LBR: variants seen among roughly 807,000 people sequenced by gnomAD.
LBR encodes lamin B receptor, also known as delta(14)-sterol reductase LBR.
In LBR, 28 loss-of-function variants were observed where a neutral mutation model predicts 74.3. That is an observed-to-expected ratio of 0.38 (90% CI 0.28 to 0.52). The LOEUF (loss-of-function observed/expected upper bound fraction) is 0.52, where lower values mean the gene tolerates loss of function less well. Among genes scored for constraint, LBR ranks in the 20% least tolerant of loss-of-function variants. LBR has a pLI of 0.89. For synonymous variants in LBR, 228 were observed against 269.3 expected (o/e 0.85, Z 1.50); for missense variants, 717 against 760.3 (o/e 0.94, Z 0.67).
chr1:225,412,743 A>C (rs1247936858), intron 7 of LBR, 98 bp from the exon 8 acceptor site: 1 of 1,119,606 alleles, frequency 8.9e-7, no homozygotes, highest in Non-Finnish European at 1.3e-6. Flanking sequence ...TTCATTTTTA[A>C]AGTCTTAATT....
rs542604970 is a variant in LBR at position 225,413,120 on chromosome 1, G to A, written c.893-475C>T. Among the ~76,000 whole-genome samples, 7 of 152,328 alleles carry A rather than the reference G, an allele frequency of 4.6e-5. No homozygotes were observed. In the South Asian group the frequency reaches 1.5e-3, roughly 32 times the overall value. ...ATTATAAATATTTATACTTAACCAA[G>A]TTGCCAATAATGGTTTCAAAAGATT... On this transcript the variant is annotated intron_variant, in intron 7 of 13. Transcript: ENST00000272163.
chr1:225,413,239 G>A (rs1295189099), intron 7 of LBR, among the ~76,000 whole-genome samples: 1 of 152,248 alleles, frequency 6.6e-6, no homozygotes, highest in Non-Finnish European at 1.5e-5. Context: ...GCAGGGGACT[G>A]CGAGTACCTG....
chr1:225,409,491 G>GAAA (rs906676974), intron 10 of LBR, among the ~76,000 whole-genome samples: 1 of 152,144 alleles, frequency 6.6e-6, no homozygotes, highest in African/African-American at 2.4e-5. Context: ...GGCTCAAAGA[G>GAAA]AAAAGGTCTT....
intron 6 of LBR, among the ~76,000 whole-genome samples, chr1:225,415,822 A>C (rs1005233976): frequency 6.6e-6 from 1 of 152,124 alleles, no homozygotes; most frequent in African/African-American, 2.4e-5. Flanking sequence ...ACGCATACTC[A>C]TATGCTTACT....
At chr1:225,422,584 A>T (rs544265609) in intron 2 of LBR, among the ~76,000 whole-genome samples, 289 of 152,274 alleles carry the variant, frequency 1.9e-3, no homozygotes, top group African/African-American at 6.5e-3. Flanking sequence ...GGTAATAATT[A>T]ACATGGATTA....
chr1:225,403,347 A>G lies in LBR; in HGVS notation c.1804T>C (p.Tyr602His), dbSNP rs762700017. Residue 602 changes from tyrosine (Y) to histidine (H), a missense_variant, in exon 14 of 14, where the codon TAC becomes CAC. Tyr to His is a moderately conservative substitution (Grantham distance 83, BLOSUM62 2). Transcript: ENST00000272163. ...ATACGGTAGGGCACACGCTGACAGT[A>G]CTTTTCCCAAGCCACGCCGTATTTC... Reference protein sequence around the residue: ...KKKYGVAWEKYCQRVPYRIFP... With the variant: ...KKKYGVAWEKHCQRVPYRIFP... 6.2e-6 allele frequency: 10 copies of G among 1,613,834 alleles called. No individual in the cohort carries two copies. The African/African-American group carries it at 1.2e-4, about 19-fold the overall frequency.
intron 1 of LBR, among the ~76,000 whole-genome samples, chr1:225,425,155 G>A (rs2096136594): frequency 6.6e-6 from 1 of 151,750 alleles, no homozygotes; most frequent in Non-Finnish European, 1.5e-5. Context: ...CAACATTTAG[G>A]AACCTTTGAA....
Position 225,412,598 on chromosome 1 carries a change from A to G in LBR, c.940T>C (p.Phe314Leu), listed in dbSNP as rs532717763. 1 of 1,613,738 alleles carries G rather than the reference A, an allele frequency of 6.2e-7. No individual in the cohort carries two copies. Among genetic ancestry groups the G allele is most frequent in the Admixed American group, 1.7e-5 (1 of 60,004 alleles). ...LTSAVIGTSL[F>L]QGVEFHYVYS... is the part of the protein sequence containing the mutation. The stretch of plus-strand genomic sequence containing the variant: ...ACGTAATGAAACTCTACGCCCTGGA[A>G]GAGAGATGTTCCGATGACTGCAGAT... Residue 314 changes from phenylalanine (F) to leucine (L), a missense_variant, in exon 8 of 14, where the codon TTC becomes CTC. Physicochemically the swap from Phe to Leu is conservative, Grantham distance 22 (BLOSUM62 0). Coordinates refer to ENST00000272163, the MANE Select transcript of LBR (RefSeq NM_002296.4).
Position 225,411,409 on chromosome 1 carries a change from A to G in LBR, c.1116T>C (p.Arg372=). 1.2e-6 allele frequency: 2 copies of G among 1,614,024 alleles called. No homozygotes were observed. The highest frequency in any genetic ancestry group is 1.7e-6 in the Non-Finnish European group (2 of 1,179,834). ...GNAVYDFFIG[R]ELNPRIGTFD... ...AAGTACCAATTCGAGGGTTTAATTC[A>G]CGGCCAATGAAGAAATCATAGACAG... Residue 372 remains arginine (R), a synonymous_variant, in exon 9 of 14, where the codon CGT becomes CGC. Coordinates refer to ENST00000272163, the MANE Select transcript of LBR (RefSeq NM_002296.4).
chr1:225,423,886 T>A (rs1209926811), intron 2 of LBR, 25 bp downstream of exon 2: 2 of 1,603,750 alleles, frequency 1.2e-6, no homozygotes, highest in Non-Finnish European at 8.5e-7. Flanking sequence ...GTAAACACAC[T>A]CTGATAAACC....
chr1:225,428,295 GC>G (rs1484209787), upstream of LBR, among the ~76,000 whole-genome samples: 4 of 152,094 alleles, frequency 2.6e-5, no homozygotes, highest in Non-Finnish European at 5.9e-5. Context: ...TGGCGGGGCG[GC>G]CCGGAGCGCG....
At chr1:225,419,505 G>C in intron 4 of LBR, 53 bp from the exon 5 acceptor site, 1 of 1,257,590 alleles carries the variant, frequency 8.0e-7, no homozygotes. Context: ...TACCATTAAT[G>C]CTACTGCATT....
chr1:225,423,844 G>C (rs1452252685), intron 2 of LBR, 67 bp downstream of exon 2: 3 of 1,466,724 alleles, frequency 2.0e-6, no homozygotes, highest in East Asian at 2.3e-5. Context: ...CCTGAGCTTA[G>C]AAACCATACT....
rs758059427 is a variant in LBR, at chr1:225,411,318, GA to G, written c.1188+18del. 16 of 1,557,330 alleles carry G rather than the reference GA, an allele frequency of 1.0e-5. No homozygotes were observed. In the East Asian group the frequency reaches 1.3e-4, roughly 13 times the overall value. On this transcript the variant is annotated intron_variant, in intron 9 of 13. Transcript: ENST00000272163. Reference sequence around the variant, plus strand: ...AGACCTATTGAATTGAAATTTAGAAGAAAAAAAACCAGACATACCCATCCAA... The same window carrying G: ...AGACCTATTGAATTGAAATTTAGAAGAAAAAAACCAGACATACCCATCCAA...
chr1:225,428,159 C>A (rs1278620927), upstream of LBR: 2 of 152,114 alleles, frequency 1.3e-5, no homozygotes, highest in African/African-American at 4.8e-5. Flanking sequence ...CCGCCCGGGG[C>A]TCCCATTGGC....
intron 7 of LBR, 117 bp downstream of exon 7, chr1:225,415,161 T>C: frequency 1.4e-6 from 1 of 709,800 alleles, no homozygotes; most frequent in Non-Finnish European, 2.4e-6. Context: ...CTCTTCCAAC[T>C]ACTAAGAAAT....
chr1:225,408,005 A>G (rs1427979165), intron 10 of LBR, among the ~76,000 whole-genome samples: 2 of 152,226 alleles, frequency 1.3e-5, no homozygotes, highest in Non-Finnish European at 2.9e-5. Flanking sequence ...TAGCATATCC[A>G]TCATCTCAAA....
intron 13 of LBR, 21 bp from the exon 14 acceptor site, chr1:225,403,484 C>G: frequency 6.4e-7 from 1 of 1,557,184 alleles, no homozygotes; most frequent in Non-Finnish European, 8.9e-7. Flanking sequence ...TAATAGTACA[C>G]AGTATTAGAT....
At chr1:225,417,321 AATTATTTATTACT>A (rs2096119232) in intron 6 of LBR, among the ~76,000 whole-genome samples, 1 of 152,180 alleles carries the variant, frequency 6.6e-6, no homozygotes, top group Non-Finnish European at 1.5e-5. Flanking sequence ...TCTTTAAATA[AATTATTTATTACT>A]TAGGGAATCT....
Sources: allele counts gnomAD v4.1 joint callset (sites outside exome capture counted in the v4.1 genomes callset), GRCh38; gene constraint gnomAD v4.1.1; transcripts MANE v1.5; gene names NCBI Gene and HGNC (gene_info 2026-07-23, HGNC 2026-07-21).